OPHN1: variants seen among roughly 807,000 people sequenced by gnomAD.
OPHN1 encodes the protein oligophrenin-1.
OPHN1 carries 11 observed loss-of-function variants against 60.7 expected under a neutral mutation model. The ratio of observed to expected loss-of-function variants is 0.18; its 90% CI spans 0.11 to 0.30. OPHN1 has a LOEUF of 0.30. OPHN1 is among the 10% of genes least tolerant of loss of function. OPHN1 has a pLI of 1.00. For missense variants in OPHN1, 449 were observed against 611.0 expected (o/e 0.73, Z 2.80); for synonymous variants, 226 against 222.6 (o/e 1.02, Z -0.14).
intron 2 of OPHN1, among the ~76,000 whole-genome samples, chrX:68,425,512 A>G (rs1176712646): frequency 8.9e-6 from 1 of 112,013 alleles, no homozygotes; most frequent in African/African-American, 3.2e-5. Flanking sequence ...AGCTAGTGGC[A>G]GAATTGGAAT....
intron 2 of OPHN1, among the ~76,000 whole-genome samples, chrX:68,321,566 C>T (rs2078235329): frequency 9.0e-6 from 1 of 111,537 alleles, no homozygotes; most frequent in Non-Finnish European, 1.9e-5. Context: ...GAATGGAAAA[C>T]CCAAATGTCG....
intron 6 of OPHN1, among the ~76,000 whole-genome samples, chrX:68,217,432 T>C (rs2077618639): frequency 4.5e-5 from 5 of 111,739 alleles, no homozygotes; most frequent in African/African-American, 1.6e-4. Context: ...CCACCACAGC[T>C]CAAGGAGGCC....
At chrX:68,293,646 T>G (rs2078080446) in intron 3 of OPHN1, among the ~76,000 whole-genome samples, 2 of 112,101 alleles carry the variant, frequency 1.8e-5, no homozygotes, top group Admixed American at 1.9e-4. Flanking sequence ...AGAACTATGC[T>G]ATCAGGGTTC....
intron 2 of OPHN1, among the ~76,000 whole-genome samples, chrX:68,407,973 G>T (rs1226905695): frequency 2.7e-5 from 3 of 112,059 alleles, no homozygotes; most frequent in East Asian, 2.8e-4. Context: ...TTTGTTGTTG[G>T]TGGTGGTGTT....
intron 5 of OPHN1, among the ~76,000 whole-genome samples, chrX:68,256,398 G>T (rs925520244): frequency 1.1e-4 from 12 of 111,564 alleles, no homozygotes; most frequent in African/African-American, 3.6e-4. Context: ...GTTAGAAAAT[G>T]ATTTGAGGCT....
intron 19 of OPHN1, among the ~76,000 whole-genome samples, chrX:68,073,612 G>A (rs1013845418): frequency 2.7e-5 from 3 of 111,883 alleles, no homozygotes; most frequent in African/African-American, 6.5e-5. Flanking sequence ...TCACTTCTCT[G>A]AGCCTTGGCT....
intron 2 of OPHN1, among the ~76,000 whole-genome samples, chrX:68,363,080 T>A (rs1232801960): frequency 3.7e-5 from 4 of 109,132 alleles, no homozygotes; most frequent in African/African-American, 1.3e-4. Flanking sequence ...AAAACCCATC[T>A]CTACTAAAAA....
At chrX:68,146,948 T>C (rs1358407372) in intron 15 of OPHN1, among the ~76,000 whole-genome samples, 1 of 112,164 alleles carries the variant, frequency 8.9e-6, no homozygotes, top group Non-Finnish European at 1.9e-5. Context: ...AAAATTGGAA[T>C]ACTGTATGAT....
In OPHN1 at chrX:68,327,805, A is replaced by T. The variant is rs1337608560; in HGVS notation, c.155-28709T>A. Reference sequence around the variant, plus strand: ...ATAAAAAATAAAAAAAATAAAAAAAAAAAAAAAAAAAATTTTAAACTTTTT... The same window carrying T: ...ATAAAAAATAAAAAAAATAAAAAAATAAAAAAAAAAAATTTTAAACTTTTT... On this transcript the variant is annotated intron_variant, in intron 2 of 24. Transcript: ENST00000355520. 3.6e-3 allele frequency among the ~76,000 whole-genome samples: 269 copies of T among 74,369 alleles called. 2 individuals are homozygous for T. Among genetic ancestry groups the T allele is most frequent in the Middle Eastern group, 0.017 (3 of 180 alleles). 64.6% of individuals were successfully genotyped at this position (74,369 alleles called of 115,157 possible).
chrX:68,236,567 C>T (rs1241447773), intron 5 of OPHN1, among the ~76,000 whole-genome samples: 3 of 111,703 alleles, frequency 2.7e-5, no homozygotes, highest in South Asian at 7.6e-4. Context: ...CCCCCTTCCA[C>T]CCACCTTCAA....
At chrX:68,393,881 C>CTTTTTTT (rs757567783) in intron 2 of OPHN1, among the ~76,000 whole-genome samples, 22 of 25,600 alleles carry the variant, frequency 8.6e-4, no homozygotes, top group Non-Finnish European at 2.4e-3. Flanking sequence ...ATCCAATAGA[C>CTTTTTTT]TTTGTTTTTT....
At chrX:68,105,522 C>A (rs911240137) in intron 18 of OPHN1, among the ~76,000 whole-genome samples, 4 of 109,716 alleles carry the variant, frequency 3.6e-5, no homozygotes, top group Non-Finnish European at 7.6e-5. Flanking sequence ...ATGGATGAAG[C>A]TGGAAACCAT....
intron 15 of OPHN1, among the ~76,000 whole-genome samples, chrX:68,174,315 C>T (rs1261892280): frequency 9.0e-6 from 1 of 110,642 alleles, no homozygotes; most frequent in Non-Finnish European, 1.9e-5. Context: ...GCAGAGTTAG[C>T]AAATATGTTT....
intron 3 of OPHN1, among the ~76,000 whole-genome samples, chrX:68,287,388 A>G (rs1426589608): frequency 9.3e-6 from 1 of 107,396 alleles, no homozygotes; most frequent in Non-Finnish European, 1.9e-5. Flanking sequence ...TCATGCCTTT[A>G]ATCTCAGAGG....
intron 21 of OPHN1, among the ~76,000 whole-genome samples, chrX:68,061,135 C>A (rs894055726): frequency 2.7e-5 from 3 of 112,246 alleles, no homozygotes; most frequent in African/African-American, 9.7e-5. Context: ...TGAAAAAAAG[C>A]TGCATCGTGC....
intron 15 of OPHN1, chrX:68,132,812 A>G: frequency 5.2e-6 from 1 of 192,670 alleles, no homozygotes; most frequent in Non-Finnish European, 9.5e-6. Flanking sequence ...GAGGAGCCGG[A>G]GCTTGGGCCG....
intron 15 of OPHN1, among the ~76,000 whole-genome samples, chrX:68,182,198 T>TG (rs1204214076): frequency 2.4e-4 from 24 of 98,055 alleles, no homozygotes; most frequent in Admixed American, 2.3e-3. Context: ...GTTTTTTTTT[T>TG]TTTTTTTTTT....
At chrX:68,216,131 G>A (rs1378286306) in intron 6 of OPHN1, among the ~76,000 whole-genome samples, 1 of 111,209 alleles carries the variant, frequency 9.0e-6, no homozygotes, top group Non-Finnish European at 1.9e-5. Context: ...TGTTGATCCT[G>A]TACAACCCAT....
At chrX:68,200,337 ACAT>A (rs902406067) in intron 11 of OPHN1, among the ~76,000 whole-genome samples, 4 of 112,029 alleles carry the variant, frequency 3.6e-5, no homozygotes, top group African/African-American at 1.3e-4. Context: ...TTAAAAATAA[ACAT>A]CAAATTTAGT....
Sources: gnomAD v4.1 joint callset for allele counts (sites outside exome capture counted in the v4.1 genomes callset) on GRCh38, gnomAD v4.1.1 for gene constraint, MANE v1.5 for transcripts, NCBI Gene and HGNC (gene_info 2026-07-23, HGNC 2026-07-21) for gene names.